MYCBP2: variants seen among roughly 807,000 people sequenced by gnomAD.
MYCBP2 encodes the protein MYC binding protein 2.
A neutral mutation model predicts 525.3 loss-of-function variants in MYCBP2; 120 were observed. That is an observed-to-expected ratio of 0.23 (90% CI 0.20 to 0.27). MYCBP2 has a LOEUF of 0.27. MYCBP2 is among the 10% of genes least tolerant of loss of function. MYCBP2 has a pLI of 1.00. For missense variants in MYCBP2, 4,149 were observed against 5,657.1 expected, an observed-to-expected ratio of 0.73 and a Z score of 8.55; for synonymous variants, 1,894 against 1,955.8, an observed-to-expected ratio of 0.97 and a Z score of 0.83.
intron 28 of MYCBP2, 81 bp from the exon 29 acceptor site, chr13:77,190,416 T>A: frequency 2.4e-6 from 2 of 838,742 alleles, no homozygotes; most frequent in Non-Finnish European, 3.8e-6. Flanking sequence ...TTTTCAAATC[T>A]TATGTCAATG....
chr13:77,326,626 C>T lies in MYCBP2; in HGVS notation c.150G>A (p.Gly50=). ...CCGCGGCGGGTAGCCCCAGCCCCAG[C>T]CCCGCAGCAGCCACGGAGCCGTCGG... ...PVPDGSVAAA[G]LGLGLPAADS... Residue 50 remains glycine (G), a synonymous_variant, in exon 1 of 83, where the codon GGG becomes GGA. Transcript: ENST00000544440. This position sits in a 1 kb window ranked among gnomAD's most constrained non-coding sequence, Gnocchi z 4.2. 1 of 1,560,864 alleles carries T rather than the reference C, an allele frequency of 6.4e-7. No individual in the cohort carries two copies. The highest frequency in any genetic ancestry group is 8.6e-7 in the Non-Finnish European group (1 of 1,157,054).
Position 77,070,727 on chromosome 13 carries a change from G to GAAAA in MYCBP2, c.11824-20_11824-17dup. 3 of 1,093,960 alleles carry GAAAA rather than the reference G, an allele frequency of 2.7e-6. No individual in the cohort carries two copies. Among genetic ancestry groups the GAAAA allele is most frequent in the East Asian group, 2.8e-5 (1 of 35,724 alleles). The allele number at this position is 1,093,960 out of a possible 1,614,324, so 67.8% of individuals were successfully genotyped here. ...CTGATGTTGCCTTTACATAGAAAAA[G>GAAAA]AAAAAAAAAAAAAAGAATGAAGTGG... On this transcript the variant is annotated splice_polypyrimidine_tract_variant and intron_variant, in intron 68 of 82. Transcript: ENST00000544440.
At chr13:77,056,099 G>GGTGTGTGTGTGTGTGTGTGT (rs56952443) in intron 79 of MYCBP2, among the ~76,000 whole-genome samples, 9 of 120,522 alleles carry the variant, frequency 7.5e-5, no homozygotes, top group Admixed American at 2.5e-4. Context: ...CTCTGTGTTT[G>GGTGTGTGTGTGTGTGTGTGT]GTGTGTGTGT....
At chr13:77,275,038 C>T (rs2075363622) in intron 4 of MYCBP2, among the ~76,000 whole-genome samples, 1 of 152,150 alleles carries the variant, frequency 6.6e-6, no homozygotes, top group Non-Finnish European at 1.5e-5. Context: ...TATTATCCTT[C>T]AGTGAGTACA....
intron 70 of MYCBP2, 136 bp from the exon 71 acceptor site, chr13:77,068,000 T>C: frequency 6.3e-6 from 5 of 789,928 alleles, no homozygotes; most frequent in Non-Finnish European, 9.7e-6. Context: ...CAACCACAGC[T>C]CACTGCAGCC....
chr13:77,210,481 C>T (rs573011497), intron 23 of MYCBP2, among the ~76,000 whole-genome samples: 2 of 152,208 alleles, frequency 1.3e-5, no homozygotes, highest in East Asian at 1.9e-4. Flanking sequence ...CGTGAGCCAC[C>T]GCACCCGGCC....
rs373730663 is a variant in MYCBP2 at position 77,276,035 on chromosome 13, T to C, written c.749-2367A>G. 7.2e-5 allele frequency among the ~76,000 whole-genome samples: 11 copies of C among 152,308 alleles called. No homozygotes were observed. In the South Asian group the frequency reaches 2.3e-3, roughly 32 times the overall value. ...TCCTTCTACTTTCCTCCATACGATT[T>C]ATCCACATTTGTAATTATACACATA... is the stretch of plus-strand genomic sequence containing the variant. On this transcript the variant is annotated intron_variant, in intron 4 of 82. Transcript: ENST00000544440.
At chr13:77,256,833 A>C (rs568406550) in intron 14 of MYCBP2, among the ~76,000 whole-genome samples, 2 of 152,292 alleles carry the variant, frequency 1.3e-5, no homozygotes, top group African/African-American at 4.8e-5. Flanking sequence ...GAGCTTCCCC[A>C]AAAAACTGAA....
intron 26 of MYCBP2, among the ~76,000 whole-genome samples, chr13:77,198,059 T>C (rs2061950401): frequency 6.6e-6 from 1 of 152,250 alleles, no homozygotes; most frequent in Non-Finnish European, 1.5e-5. Flanking sequence ...ATCCTCCTGA[T>C]GAGCTTATTA....
intron 14 of MYCBP2, among the ~76,000 whole-genome samples, chr13:77,254,731 C>G (rs2071855025): frequency 6.6e-6 from 1 of 151,788 alleles, no homozygotes; most frequent in African/African-American, 2.4e-5. Context: ...TATTTTTGTA[C>G]CTATTAACCA....
intron 1 of MYCBP2, among the ~76,000 whole-genome samples, chr13:77,309,429 A>T (rs2079882149): frequency 6.6e-6 from 1 of 152,250 alleles, no homozygotes; most frequent in Admixed American, 6.5e-5. Context: ...AGAACTTAAG[A>T]AAAGAGGTTT....
At chr13:77,284,972 T>C (rs1393456802) in intron 3 of MYCBP2, among the ~76,000 whole-genome samples, 1 of 152,188 alleles carries the variant, frequency 6.6e-6, no homozygotes, top group Non-Finnish European at 1.5e-5. Context: ...GCTAACCCTG[T>C]TTGCAGACAG....
In MYCBP2 at chr13:77,146,157, C is replaced by G; in HGVS notation, c.7187+5G>C. ...TTGGTTATACTTTGAGAAAACGATCCTTACCTCTTAGGAGTTGGTGATGCA... is the reference window on the plus strand; with the variant it reads ...TTGGTTATACTTTGAGAAAACGATCGTTACCTCTTAGGAGTTGGTGATGCA... On this transcript the variant is annotated splice_donor_5th_base_variant and intron_variant, in intron 48 of 82. Transcript: ENST00000544440. The G allele has an allele frequency of 6.3e-7, 1 of 1,578,916 alleles. No individual in the cohort carries two copies. The highest frequency in any genetic ancestry group is 1.2e-5 in the South Asian group (1 of 83,000).
intron 32 of MYCBP2, 96 bp from the exon 33 acceptor site, chr13:77,182,018 T>A: frequency 1.1e-6 from 1 of 891,448 alleles, no homozygotes; most frequent in Non-Finnish European, 1.7e-6. Flanking sequence ...TCTTTTAAAT[T>A]ATACCAAAAT....
chr13:77,104,039 G>A (rs1274225213), intron 55 of MYCBP2, among the ~76,000 whole-genome samples: 1 of 151,984 alleles, frequency 6.6e-6, no homozygotes, highest in Non-Finnish European at 1.5e-5. Flanking sequence ...AGAATTAACA[G>A]AACCTTTAAA....
At chr13:77,092,806 C>A (rs2045656831) in intron 59 of MYCBP2, among the ~76,000 whole-genome samples, 2 of 152,256 alleles carry the variant, frequency 1.3e-5, no homozygotes, top group Middle Eastern at 3.4e-3. Flanking sequence ...TACTACCATA[C>A]CTAAGTTAGG....
At chr13:77,166,745 AG>A (rs1331628760) in intron 40 of MYCBP2, among the ~76,000 whole-genome samples, 191 bp from the exon 41 acceptor site, 3 of 152,210 alleles carry the variant, frequency 2.0e-5, no homozygotes, top group African/African-American at 7.2e-5. Context: ...CAGAGATAAA[AG>A]CTAGATTTGT....
Position 77,045,227 on chromosome 13 carries a change from G to A in MYCBP2, c.*151C>T, listed in dbSNP as rs974941876. ...TTTTCATAGCAAGAATTATGTACATGGTATTTGGTATCCTTCTTGCACTGT... is the reference window on the plus strand; with the variant it reads ...TTTTCATAGCAAGAATTATGTACATAGTATTTGGTATCCTTCTTGCACTGT... On this transcript the variant is annotated 3_prime_UTR_variant, in exon 83 of 83. Transcript: ENST00000544440. The A allele has an allele frequency of 3.9e-6, 2 of 510,498 alleles. No homozygotes were observed. The highest frequency in any genetic ancestry group is 1.9e-5 in the African/African-American group (1 of 52,100). The allele number at this position is 510,498 out of a possible 1,614,324, so 31.6% of individuals were successfully genotyped here. A position where few individuals can be genotyped will look rare whatever the true frequency, so the allele number is the denominator to read the frequency against.
At chr13:77,053,187 T>C (rs1156944760) in intron 80 of MYCBP2, among the ~76,000 whole-genome samples, 1 of 151,228 alleles carries the variant, frequency 6.6e-6, no homozygotes, top group South Asian at 2.1e-4. Context: ...ATTCTGCTCA[T>C]AGTTATAAAG....
Sources: allele counts gnomAD v4.1 joint callset (sites outside exome capture counted in the v4.1 genomes callset), GRCh38; gene constraint gnomAD v4.1.1; non-coding constraint Gnocchi (gnomAD v3.1); transcripts MANE v1.5; gene names NCBI Gene and HGNC (gene_info 2026-07-23, HGNC 2026-07-21).